The following SEC61A2 variants were observed in gnomAD, a reference collection of about 807,000 sequenced individuals.
The protein encoded by SEC61A2 is SEC61 translocon subunit alpha 2.
In SEC61A2, 28 loss-of-function variants were observed where a neutral mutation model predicts 59.9. The observed-to-expected ratio is 0.47, with a 90% CI of 0.35 to 0.64. The LOEUF is 0.64. SEC61A2 is among the 30% of genes least tolerant of loss of function. The pLI, the probability that SEC61A2 is intolerant of heterozygous loss-of-function variation, is 0.01. For missense variants in SEC61A2, 340 were observed against 585.9 expected, an observed-to-expected ratio of 0.58 and a Z score of 4.33; for synonymous variants, 202 against 214.4, an observed-to-expected ratio of 0.94 and a Z score of 0.50.
In SEC61A2 at chr10:12,145,169, G is replaced by A. The variant is rs1003868768; in HGVS notation, c.220+1974G>A. On this transcript the variant is annotated intron_variant, in intron 4 of 11. Transcript: ENST00000298428. This position sits in a 1 kb window ranked among gnomAD's most constrained non-coding sequence, Gnocchi z 4.4. ...TCAGATCATGAAGGGCTTGGAGACC[G>A]TTGGATGGAGCACATTTTAAGGAAG... 1.6e-4 allele frequency among the ~76,000 whole-genome samples: 24 copies of A among 152,274 alleles called. 1 individual carries two copies. Among genetic ancestry groups the A allele is most frequent in the African/African-American group, 2.4e-4 (10 of 41,556 alleles).
Position 12,145,701 on chromosome 10 carries a change from A to C in SEC61A2, c.220+2506A>C, listed in dbSNP as rs1020714783. Among the ~76,000 whole-genome samples the C allele has an allele frequency of 4.6e-5, 7 of 152,200 alleles. No homozygotes were observed. Among genetic ancestry groups the C allele is most frequent in the Admixed American group, 2.0e-4 (3 of 15,278 alleles). Reference sequence around the variant, plus strand: ...CCGTAGATGTGATGATTGGATCTTCACGCTCGTGTGTGAGATGTGCCTCTC... The same window carrying C: ...CCGTAGATGTGATGATTGGATCTTCCCGCTCGTGTGTGAGATGTGCCTCTC... On this transcript the variant is annotated intron_variant, in intron 4 of 11. Transcript: ENST00000298428. The surrounding 1 kb of genome is among the most constrained non-coding windows in gnomAD (Gnocchi z 4.4).
rs548221767 is a variant in SEC61A2, at chr10:12,164,200, T to C, written c.1245-68T>C. On this transcript the variant is annotated intron_variant, in intron 11 of 11. Coordinates refer to ENST00000298428, the MANE Select transcript of SEC61A2 (RefSeq NM_018144.4). The surrounding 1 kb of genome is among the most constrained non-coding windows in gnomAD (Gnocchi z 7.3). ...GCTATGGCTGCTGCGCCTCGACCTG[T>C]CTTCGTCTCTAGCTGCCGTGCTGTT... 24 of 1,574,898 alleles carry C rather than the reference T, an allele frequency of 1.5e-5. No individual in the cohort carries two copies. Among genetic ancestry groups the C allele is most frequent in the Non-Finnish European group, 2.1e-5 (24 of 1,159,704 alleles).
rs891295559 is a variant in SEC61A2 at position 12,161,519 on chromosome 10, G to A, written c.1167+398G>A. ...GCACTTCGGGAGGCCGAGGTGGGCA[G>A]ATCCCATGGGTAGGAGATCGAGACC... On this transcript the variant is annotated intron_variant, in intron 10 of 11. Coordinates refer to ENST00000298428, the MANE Select transcript of SEC61A2 (RefSeq NM_018144.4). This position sits in a 1 kb window ranked among gnomAD's most constrained non-coding sequence, Gnocchi z 5.4. Among the ~76,000 whole-genome samples the A allele has an allele frequency of 6.6e-6, 1 of 152,202 alleles. No homozygotes were observed. The highest frequency in any genetic ancestry group is 2.4e-5 in the African/African-American group (1 of 41,450).
intron 3 of SEC61A2, among the ~76,000 whole-genome samples, chr10:12,136,559 C>T (rs1833891106): frequency 6.6e-6 from 1 of 152,242 alleles, no homozygotes; most frequent in Admixed American, 6.5e-5. Flanking sequence ...AGTGACTCTT[C>T]TTCCTTGGGC....
At chr10:12,166,369 G>C (rs1834693001), downstream of SEC61A2, 1 of 158,504 alleles carries the variant, frequency 6.3e-6, no homozygotes, top group Non-Finnish European at 1.4e-5. Context: ...TAGAGGCATA[G>C]GGGAAGGCTA....
chr10:12,149,482 T>C lies in SEC61A2; in HGVS notation c.221-113T>C. The C allele has an allele frequency of 2.0e-6, 2 of 1,023,858 alleles. No homozygotes were observed. Among genetic ancestry groups the C allele is most frequent in the Non-Finnish European group, 2.9e-6 (2 of 698,350 alleles). 63.4% of individuals were successfully genotyped at this position (1,023,858 alleles called of 1,614,324 possible). A position where few individuals can be genotyped will look rare whatever the true frequency, so the allele number is the denominator to read the frequency against. On this transcript the variant is annotated intron_variant, in intron 4 of 11. Coordinates refer to ENST00000298428, the MANE Select transcript of SEC61A2 (RefSeq NM_018144.4). This position sits in a 1 kb window ranked among gnomAD's most constrained non-coding sequence, Gnocchi z 5.2. ...AGTGTTTAAGAAATGAAAATTTGCT[T>C]GTTAAAATTTTCACGTGTGTTTCAG... is the stretch of plus-strand genomic sequence containing the variant.
Position 12,164,246 on chromosome 10 carries a change from A to C in SEC61A2, c.1245-22A>C. On this transcript the variant is annotated intron_variant, in intron 11 of 11. Coordinates refer to ENST00000298428, the MANE Select transcript of SEC61A2 (RefSeq NM_018144.4). This position sits in a 1 kb window ranked among gnomAD's most constrained non-coding sequence, Gnocchi z 7.3. The stretch of plus-strand genomic sequence containing the variant: ...CTGTTCCTGGTCTCTGCTGCCGCCT[A>C]ACTTGGGGTTCTGTCTCCTAGGTAC... The C allele has an allele frequency of 6.2e-7, 1 of 1,611,140 alleles. No homozygotes were observed. The highest frequency in any genetic ancestry group is 1.1e-5 in the South Asian group (1 of 90,740).
rs1834464803 is a variant in SEC61A2, at chr10:12,158,789, T to C, written c.975+684T>C. 1.3e-5 allele frequency among the ~76,000 whole-genome samples: 2 copies of C among 152,090 alleles called. No individual in the cohort carries two copies. Among genetic ancestry groups the C allele is most frequent in the South Asian group, 2.1e-4 (1 of 4,824 alleles). On this transcript the variant is annotated intron_variant, in intron 9 of 11. Coordinates refer to ENST00000298428, the MANE Select transcript of SEC61A2 (RefSeq NM_018144.4). The surrounding 1 kb of genome is among the most constrained non-coding windows in gnomAD (Gnocchi z 5.7). ...GCTAACATGTGAGATACTGGACTCA[T>C]CCTAACCTTTCCTATCTCCCACCCT...
chr10:12,136,420 T>C (rs1833886216), intron 3 of SEC61A2, among the ~76,000 whole-genome samples: 1 of 151,900 alleles, frequency 6.6e-6, no homozygotes, highest in Non-Finnish European at 1.5e-5. Flanking sequence ...TGATTCTTCT[T>C]CCTTGGCCTC....
At position 12,129,901 on chromosome 10, in the gene SEC61A2, C is replaced by A; in HGVS notation, c.7+107C>A. On this transcript the variant is annotated intron_variant, in intron 1 of 11. Coordinates refer to ENST00000298428, the MANE Select transcript of SEC61A2 (RefSeq NM_018144.4). The surrounding 1 kb of genome is among the most constrained non-coding windows in gnomAD (Gnocchi z 5.6). ...CTCGGAGTCGTGGGGGCCAGGGATG[C>A]GCGGGCCGCTCCGGGCCTCAGCGGA... The A allele has an allele frequency of 1.9e-6, 2 of 1,047,472 alleles. No individual in the cohort carries two copies. The highest frequency in any genetic ancestry group is 2.5e-6 in the Non-Finnish European group (2 of 798,886). 64.9% of individuals were successfully genotyped at this position (1,047,472 alleles called of 1,614,324 possible).
chr10:12,151,953 A>G (rs532912781), intron 6 of SEC61A2, among the ~76,000 whole-genome samples: 39 of 152,238 alleles, frequency 2.6e-4, no homozygotes, highest in Middle Eastern at 3.4e-3. Context: ...TTATGTAGGA[A>G]GCAAAACATG....
At chr10:12,130,598 A>G (rs757772150) in intron 1 of SEC61A2, among the ~76,000 whole-genome samples, 48 of 152,328 alleles carry the variant, frequency 3.2e-4, no homozygotes, top group African/African-American at 1.1e-3. Flanking sequence ...AGATGATCAT[A>G]AAGTGTCAAG....
At chr10:12,151,756 T>G (rs188378457) in intron 6 of SEC61A2, among the ~76,000 whole-genome samples, 1 of 152,290 alleles carries the variant, frequency 6.6e-6, no homozygotes, top group East Asian at 1.9e-4. Flanking sequence ...GGTTTTTTTG[T>G]TTTTGTTTTT....
chr10:12,158,003 C>A lies in SEC61A2; in HGVS notation c.873C>A (p.Ile291=). The A allele has an allele frequency of 6.2e-7, 1 of 1,614,204 alleles. No individual in the cohort carries two copies. Among genetic ancestry groups the A allele is most frequent in the Non-Finnish European group, 8.5e-7 (1 of 1,180,030 alleles). ...TCTTCTACACCTCCAACATCCCCATCATCCTCCAGTCGGCCCTGGTGTCCA... is the reference window on the plus strand; with the variant it reads ...TCTTCTACACCTCCAACATCCCCATAATCCTCCAGTCGGCCCTGGTGTCCA... ...IKLFYTSNIP[I]ILQSALVSNL... Residue 291 remains isoleucine (I), a synonymous_variant, in exon 9 of 12, where the codon ATC becomes ATA. Transcript: ENST00000298428. This position sits in a 1 kb window ranked among gnomAD's most constrained non-coding sequence, Gnocchi z 5.7.
Position 12,162,417 on chromosome 10 carries a change from T to G in SEC61A2, c.1244+128T>G, listed in dbSNP as rs563180039. The G allele has an allele frequency of 1.4e-5, 12 of 886,090 alleles. No individual in the cohort carries two copies. In the African/African-American group the frequency reaches 1.8e-4, roughly 13 times the overall value. 54.9% of individuals were successfully genotyped at this position (886,090 alleles called of 1,614,324 possible). A position where few individuals can be genotyped will look rare whatever the true frequency, so the allele number is the denominator to read the frequency against. The stretch of plus-strand genomic sequence containing the variant: ...TCTATTCACACAGATGAATCAAAAT[T>G]TCACACAAAACTTGTTTTCCATGTC... On this transcript the variant is annotated intron_variant, in intron 11 of 11. Coordinates refer to ENST00000298428, the MANE Select transcript of SEC61A2 (RefSeq NM_018144.4). The surrounding 1 kb of genome is among the most constrained non-coding windows in gnomAD (Gnocchi z 6.1).
chr10:12,135,620 T>G (rs1210956782), intron 2 of SEC61A2, among the ~76,000 whole-genome samples: 1 of 152,218 alleles, frequency 6.6e-6, no homozygotes, highest in African/African-American at 2.4e-5. Flanking sequence ...CTGCCACCCC[T>G]GTACCCTTCG....
rs1834120357 is a variant in SEC61A2 at position 12,145,589 on chromosome 10, C to T, written c.220+2394C>T. 6.6e-6 allele frequency among the ~76,000 whole-genome samples: 1 copy of T among 152,060 alleles called. No homozygotes were observed. ...AACATTGTTTTCTGTTTTTATGGAA[C>T]ATTTGTATTTCTTCTATAAGTGGAG... On this transcript the variant is annotated intron_variant, in intron 4 of 11. Transcript: ENST00000298428. This position sits in a 1 kb window ranked among gnomAD's most constrained non-coding sequence, Gnocchi z 4.4.
downstream of SEC61A2, chr10:12,169,172 G>C: frequency 2.5e-6 from 2 of 797,972 alleles, no homozygotes; most frequent in Non-Finnish European, 4.0e-6. This position sits in a 1 kb window ranked among gnomAD's most constrained non-coding sequence, Gnocchi z 4.8. Flanking sequence ...AGGCAACTTG[G>C]TTCTTTTACC....
intron 1 of SEC61A2, among the ~76,000 whole-genome samples, chr10:12,132,021 A>G (rs1588627394): frequency 7.3e-6 from 1 of 137,866 alleles, no homozygotes; most frequent in African/African-American, 2.7e-5. Flanking sequence ...AGGTAACTAC[A>G]GGGGCTGGGT....
Sources: allele counts gnomAD v4.1 joint callset (sites outside exome capture counted in the v4.1 genomes callset), GRCh38; gene constraint gnomAD v4.1.1; non-coding constraint Gnocchi (gnomAD v3.1); transcripts MANE v1.5; gene names NCBI Gene and HGNC (gene_info 2026-07-23, HGNC 2026-07-21).